The following UBR1 variants were observed in gnomAD, a reference collection of about 807,000 sequenced individuals.
The protein encoded by UBR1 is ubiquitin protein ligase E3 component n-recognin 1, also known as E3 ubiquitin-protein ligase UBR1.
Under a neutral mutation model 242.1 loss-of-function variants are expected in UBR1, and 102 were observed. The ratio of observed to expected loss-of-function variants is 0.42; its 90% confidence interval spans 0.36 to 0.50. The LOEUF (loss-of-function observed/expected upper bound fraction) is 0.50. Ranked by LOEUF, UBR1 falls within the 20% of genes least tolerant of loss-of-function variation. The pLI is 0.01. For synonymous variants in UBR1, 675 were observed against 684.8 expected (o/e 0.99, Z 0.22); for missense variants, 1,772 against 2,101.8 (o/e 0.84, Z 3.07).
chr15:42,963,316 A>G (rs1373443399), intron 42 of UBR1, among the ~76,000 whole-genome samples: 24 of 152,178 alleles, frequency 1.6e-4, no homozygotes, highest in Non-Finnish European at 5.9e-5. Context: ...CAAGGAGAAT[A>G]AAGGAAATGA....
rs971800102 is a variant in UBR1, at chr15:42,990,167, G to T, written c.3758-47C>A. On this transcript the variant is annotated intron_variant, in intron 33 of 46. Coordinates refer to ENST00000290650, the MANE Select transcript of UBR1 (RefSeq NM_174916.3). Reference sequence around the variant, plus strand: ...GAAAGAAAAATCATGAATGAGTTTAGTCTGACATACAGTTTTCTAGCATTT... The same window carrying T: ...GAAAGAAAAATCATGAATGAGTTTATTCTGACATACAGTTTTCTAGCATTT... The T allele has an allele frequency of 6.2e-6, 8 of 1,298,778 alleles. No homozygotes were observed. In the African/African-American group the frequency reaches 1.0e-4, roughly 17 times the overall value. The allele number at this position is 1,298,778 out of a possible 1,614,324, so 80.5% of individuals were successfully genotyped here.
At chr15:42,997,644 C>G (rs2032660201) in intron 33 of UBR1, among the ~76,000 whole-genome samples, 1 of 152,166 alleles carries the variant, frequency 6.6e-6, no homozygotes, top group South Asian at 2.1e-4. Context: ...TTTGTTATTA[C>G]AAACATTACT....
At chr15:43,033,728 T>C (rs2033289057) in intron 19 of UBR1, among the ~76,000 whole-genome samples, 1 of 152,200 alleles carries the variant, frequency 6.6e-6, no homozygotes, top group Admixed American at 6.5e-5. Context: ...TAACTTCTAA[T>C]TTGAAAGAAT....
chr15:43,053,621 C>T (rs960822628), intron 12 of UBR1, among the ~76,000 whole-genome samples: 1 of 152,010 alleles, frequency 6.6e-6, no homozygotes, highest in African/African-American at 2.4e-5. Flanking sequence ...GAGATAGGAT[C>T]CCGCTCTGTT....
chr15:43,033,842 G>A (rs1352448365), intron 19 of UBR1, among the ~76,000 whole-genome samples: 3 of 151,902 alleles, frequency 2.0e-5, no homozygotes, highest in East Asian at 1.9e-4. Context: ...GGTGGCTCAC[G>A]CCTATAATCC....
chr15:42,989,103 T>C (rs1301794669), intron 34 of UBR1, 136 bp from the exon 35 acceptor site: 8 of 728,048 alleles, frequency 1.1e-5, no homozygotes, highest in Non-Finnish European at 1.8e-5. Flanking sequence ...AAATTAGAGA[T>C]TAGAGCCTCC....
intron 21 of UBR1, 91 bp from the exon 22 acceptor site, chr15:43,027,919 A>G: frequency 9.9e-7 from 1 of 1,005,396 alleles, no homozygotes; most frequent in Non-Finnish European, 1.5e-6. Context: ...GCATCTCTGA[A>G]GTACTTTGTA....
At chr15:43,054,518 G>A (rs750252120) in intron 12 of UBR1, among the ~76,000 whole-genome samples, 135 of 152,114 alleles carry the variant, frequency 8.9e-4, no homozygotes, top group Non-Finnish European at 1.5e-3. Context: ...TTCCTGTAAT[G>A]GGCCTCTCCT....
At chr15:43,009,000 C>T (rs1419144903) in intron 29 of UBR1, among the ~76,000 whole-genome samples, 4 of 152,330 alleles carry the variant, frequency 2.6e-5, no homozygotes, top group East Asian at 3.9e-4. Flanking sequence ...TCCAGTTGTC[C>T]GTGTACCTCA....
intron 38 of UBR1, 102 bp from the exon 39 acceptor site, chr15:42,976,969 G>C: frequency 1.6e-6 from 2 of 1,265,944 alleles, no homozygotes; most frequent in East Asian, 2.5e-5. Context: ...CACAGTGTTT[G>C]TGTGTGTGTT....
intron 3 of UBR1, among the ~76,000 whole-genome samples, chr15:43,075,933 T>C (rs947905972): frequency 1.5e-5 from 2 of 137,882 alleles, no homozygotes; most frequent in African/African-American, 5.4e-5. Context: ...TTTTTTTAAT[T>C]AAACAAACTT....
chr15:43,007,719 T>C (rs1390926718), intron 29 of UBR1, among the ~76,000 whole-genome samples: 6 of 152,218 alleles, frequency 3.9e-5, no homozygotes, highest in African/African-American at 1.4e-4. Flanking sequence ...ATTTATAATA[T>C]ACTTCTTCAT....
intron 39 of UBR1, among the ~76,000 whole-genome samples, chr15:42,976,026 T>A (rs1014278349): frequency 6.6e-6 from 1 of 152,174 alleles, no homozygotes; most frequent in African/African-American, 2.4e-5. Flanking sequence ...CCCCCAGACT[T>A]TGCTTCCTAT....
At chr15:43,075,112 G>T (rs1223324747) in intron 3 of UBR1, 23 bp from the exon 4 acceptor site, 11 of 1,556,964 alleles carry the variant, frequency 7.1e-6, no homozygotes, top group African/African-American at 1.4e-5. Context: ...AAATGAGTTT[G>T]TCTTGATTTC....
At chr15:43,007,379 A>G (rs2032849470) in intron 29 of UBR1, 95 bp from the exon 30 acceptor site, 1 of 1,041,022 alleles carries the variant, frequency 9.6e-7, no homozygotes, top group African/African-American at 1.6e-5. Flanking sequence ...AAGAAATATA[A>G]GAAAGATAAT....
chr15:43,073,863 T>A (rs772228776), intron 4 of UBR1, among the ~76,000 whole-genome samples: 2 of 152,242 alleles, frequency 1.3e-5, no homozygotes, highest in African/African-American at 4.8e-5. Context: ...AAATACCTTA[T>A]TGCTGTAAGA....
intron 44 of UBR1, among the ~76,000 whole-genome samples, chr15:42,954,961 G>A (rs1209792196): frequency 1.3e-5 from 2 of 152,044 alleles, no homozygotes; most frequent in African/African-American, 4.8e-5. Context: ...GAGGTCAGGA[G>A]TTCAAGATCA....
intron 46 of UBR1, among the ~76,000 whole-genome samples, chr15:42,946,422 G>A (rs768017271): frequency 9.9e-5 from 15 of 151,932 alleles, no homozygotes; most frequent in South Asian, 2.1e-4. Context: ...CACCGCGGCC[G>A]CCTGGTTGGG....
Position 42,943,783 on chromosome 15 carries a change from T to C in UBR1, c.*1546A>G, listed in dbSNP as rs2031687994. 1 of 152,268 alleles carries C rather than the reference T, an allele frequency of 6.6e-6. No homozygotes were observed. The highest frequency in any genetic ancestry group is 6.5e-5 in the Admixed American group (1 of 15,282). 9.4% of individuals were successfully genotyped at this position (152,268 alleles called of 1,614,324 possible). On this transcript the variant is annotated 3_prime_UTR_variant, in exon 47 of 47. Transcript: ENST00000290650. Reference sequence around the variant, plus strand: ...ACAAACTGAATACTGAATTTCCTGATCCTTACCTGTTATTGTTACAAATTG... The same window carrying C: ...ACAAACTGAATACTGAATTTCCTGACCCTTACCTGTTATTGTTACAAATTG...
Sources: gnomAD v4.1 joint callset for allele counts (sites outside exome capture counted in the v4.1 genomes callset) on GRCh38, gnomAD v4.1.1 for gene constraint, MANE v1.5 for transcripts, NCBI Gene and HGNC (gene_info 2026-07-23, HGNC 2026-07-21) for gene names.